FGF1: variants seen among roughly 807,000 people sequenced by gnomAD.
The protein encoded by FGF1 is beta-endothelial cell growth factor.
In FGF1, 9 loss-of-function variants were observed where a neutral mutation model predicts 13.4. That is an observed-to-expected ratio of 0.67 (90% confidence interval 0.40 to 1.17). The LOEUF (loss-of-function observed/expected upper bound fraction) is 1.17, where lower values mean the gene tolerates loss of function less well. Ranked by LOEUF, FGF1 falls within the 50% of genes most tolerant of loss-of-function variation. The pLI, the probability that FGF1 is intolerant of heterozygous loss-of-function variation, is 0.01. For missense variants in FGF1, 156 were observed against 192.7 expected, an observed-to-expected ratio of 0.81 and a Z score of 1.13; for synonymous variants, 93 against 79.0, an observed-to-expected ratio of 1.18 and a Z score of -0.94.
chr5:142,607,874 A>C (rs561847210), intron 2 of FGF1, among the ~76,000 whole-genome samples: 2 of 152,314 alleles, frequency 1.3e-5, no homozygotes, highest in South Asian at 2.1e-4. Flanking sequence ...GAGCTTTTGC[A>C]TGGCTGTGCT....
intron 1 of FGF1, among the ~76,000 whole-genome samples, chr5:142,619,597 GA>G (rs1761066111): frequency 1.3e-5 from 2 of 152,298 alleles, no homozygotes; most frequent in African/African-American, 2.4e-5. Flanking sequence ...GCGTAAGGGG[GA>G]TAAGGTGGAA....
chr5:142,609,038 G>T (rs1758468187), intron 2 of FGF1, among the ~76,000 whole-genome samples: 1 of 151,990 alleles, frequency 6.6e-6, no homozygotes, highest in Non-Finnish European at 1.5e-5. Context: ...GTCTATGTTG[G>T]TGGGGAATAA....
At chr5:142,670,952 C>T (rs1413224645) in intron 1 of FGF1, among the ~76,000 whole-genome samples, 1 of 152,216 alleles carries the variant, frequency 6.6e-6, no homozygotes, top group Non-Finnish European at 1.5e-5. Flanking sequence ...CGCTTTATCA[C>T]ATGTGCTGCC....
chr5:142,632,929 T>C (rs865998217), intron 1 of FGF1, among the ~76,000 whole-genome samples: 152 of 152,048 alleles, frequency 1.0e-3, no homozygotes, highest in African/African-American at 3.6e-3. Flanking sequence ...TTACTTTTTT[T>C]TTTTTTTTTT....
At chr5:142,648,306 A>T (rs1597316679) in intron 1 of FGF1, among the ~76,000 whole-genome samples, 1 of 152,142 alleles carries the variant, frequency 6.6e-6, no homozygotes, top group Non-Finnish European at 1.5e-5. Flanking sequence ...GCACATATAC[A>T]CCATGGAATA....
At position 142,599,192 on chromosome 5, in the gene FGF1, C is replaced by T. The variant is rs191874629; in HGVS notation, c.273+1510G>A. Among the ~76,000 whole-genome samples the T allele has an allele frequency of 4.0e-3, 613 of 152,212 alleles. 4 individuals carry two copies. Among genetic ancestry groups the T allele is most frequent in the Non-Finnish European group, 6.2e-3 (423 of 68,018 alleles). On this transcript the variant is annotated intron_variant, in intron 3 of 3. Coordinates refer to ENST00000337706, the MANE Select transcript of FGF1 (RefSeq NM_000800.5). ...ATTCAATCATGAGTCTGAGACTAAG[C>T]GATTGACTGATGGATTGATTTTACT...
Position 142,631,844 on chromosome 5 carries a change from C to T in FGF1, c.-34-17683G>A, listed in dbSNP as rs891814968. 3.6e-5 allele frequency among the ~76,000 whole-genome samples: 5 copies of T among 137,086 alleles called. No individual in the cohort carries two copies. The South Asian group carries it at 6.8e-4, about 19-fold the overall frequency. The allele number at this position is 137,086 out of a possible 152,430, so 89.9% of individuals were successfully genotyped here. ...TGTTGCCCAGGCTGGAGTGCAGTGG[C>T]GCAATCTCGGCTCACTGCAAGCTCC... On this transcript the variant is annotated intron_variant, in intron 1 of 3. Transcript: ENST00000337706.
At position 142,614,157 on chromosome 5, in the gene FGF1, C is replaced by T. The variant is rs373156800; in HGVS notation, c.-30G>A. 291 of 1,612,564 alleles carry T rather than the reference C, an allele frequency of 1.8e-4. No homozygotes were observed. Among genetic ancestry groups the T allele is most frequent in the Non-Finnish European group, 1.9e-4 (226 of 1,179,254 alleles). On this transcript the variant is annotated 5_prime_UTR_variant, in exon 2 of 4. Coordinates refer to ENST00000337706, the MANE Select transcript of FGF1 (RefSeq NM_000800.5). ...CAGCAGCTGCTGCTTGTGGCGCTTT[C>T]AAGACTGTAAGAAATTGAACAAACC...
intron 1 of FGF1, among the ~76,000 whole-genome samples, chr5:142,684,805 G>A (rs952725702): frequency 6.6e-6 from 1 of 152,226 alleles, no homozygotes; most frequent in African/African-American, 2.4e-5. Flanking sequence ...AGCTGGTGGA[G>A]GGGCAGCCTG....
At chr5:142,696,826 A>G (rs1753182782) in intron 2 of FGF1, among the ~76,000 whole-genome samples, 1 of 152,216 alleles carries the variant, frequency 6.6e-6, no homozygotes, top group South Asian at 2.1e-4. Context: ...TGTTCCTACC[A>G]GAATTTTGTT....
At chr5:142,633,516 G>T (rs1763700151) in intron 1 of FGF1, among the ~76,000 whole-genome samples, 1 of 152,184 alleles carries the variant, frequency 6.6e-6, no homozygotes, top group South Asian at 2.1e-4. Context: ...TGCTTCCTTT[G>T]CCTAAACTTC....
At chr5:142,613,811 C>T (rs1331370917) in intron 2 of FGF1, 148 bp downstream of exon 2, 16 of 777,444 alleles carry the variant, frequency 2.1e-5, no homozygotes, top group Admixed American at 1.6e-4. Context: ...AGACATTTTA[C>T]GCATTTATGT....
chr5:142,674,665 A>G (rs575632798), intron 1 of FGF1, among the ~76,000 whole-genome samples: 14 of 152,254 alleles, frequency 9.2e-5, no homozygotes, highest in African/African-American at 3.1e-4. Context: ...TGGGGCTGCA[A>G]TAGTCTGACC....
At chr5:142,639,107 A>T (rs549652061) in intron 1 of FGF1, among the ~76,000 whole-genome samples, 6 of 152,188 alleles carry the variant, frequency 3.9e-5, no homozygotes, top group African/African-American at 1.2e-4. Context: ...GGAAAACAGT[A>T]TAGAGGTTCC....
At chr5:142,602,494 A>G (rs1756784692) in intron 2 of FGF1, among the ~76,000 whole-genome samples, 1 of 151,988 alleles carries the variant, frequency 6.6e-6, no homozygotes, top group African/African-American at 2.4e-5. Flanking sequence ...TTTTAATTTA[A>G]TTTCTTTGAA....
chr5:142,650,664 G>A, intron 1 of FGF1, among the ~76,000 whole-genome samples: 1 of 150,166 alleles, frequency 6.7e-6, no homozygotes, highest in Admixed American at 6.6e-5. Context: ...ATATGTGTGT[G>A]TGTGTATATA....
intron 1 of FGF1, among the ~76,000 whole-genome samples, chr5:142,656,859 G>T (rs578167962): frequency 9.9e-5 from 15 of 152,216 alleles, no homozygotes; most frequent in Non-Finnish European, 2.1e-4. Flanking sequence ...GGAGTGGGAT[G>T]GGGTGGCTGA....
chr5:142,595,426 G>A lies in FGF1; in HGVS notation c.332C>T (p.Thr111Ile). The A allele has an allele frequency of 1.2e-6, 2 of 1,613,984 alleles. No individual in the cohort carries two copies. Among genetic ancestry groups the A allele is most frequent in the East Asian group, 2.2e-5 (1 of 44,876 alleles). The change falls in exon 4 of 4, where the codon ACC (threonine) becomes ATC (isoleucine). Residue 111 changes from threonine (T) to isoleucine (I), a missense_variant. Thr to Ile is a moderately conservative substitution (Grantham distance 89, BLOSUM62 -1). Coordinates refer to ENST00000337706, the MANE Select transcript of FGF1 (RefSeq NM_000800.5). ...CTCTGCATGCTTCTTGGATATATAG[G>A]TGTTGTAATGGTTCTCCTCCAGCCT... ...LERLEENHYN[T>I]YISKKHAEKN...
intron 1 of FGF1, among the ~76,000 whole-genome samples, chr5:142,664,111 A>C (rs574002287): frequency 2.0e-5 from 3 of 152,342 alleles, no homozygotes; most frequent in African/African-American, 7.2e-5. Context: ...GGGAGTGAGC[A>C]GTTCCAAGTG....
Sources: gnomAD v4.1 joint callset for allele counts (sites outside exome capture counted in the v4.1 genomes callset) on GRCh38, gnomAD v4.1.1 for gene constraint, MANE v1.5 for transcripts, NCBI Gene and HGNC (gene_info 2026-07-23, HGNC 2026-07-21) for gene names.